The following CADM2 variants were observed in gnomAD, a reference collection of about 807,000 sequenced individuals.
The protein encoded by CADM2 is immunoglobulin superfamily member 4D.
In CADM2, 12 loss-of-function variants were observed where a neutral mutation model predicts 49.8. That is an observed-to-expected ratio of 0.24 (90% CI 0.15 to 0.39). The LOEUF is 0.39. CADM2 is among the 10% of genes least tolerant of loss of function. The pLI is 1.00. For missense variants in CADM2, 378 were observed against 492.3 expected (o/e 0.77, Z 2.20); for synonymous variants, 214 against 175.4 (o/e 1.22, Z -1.74).
intron 1 of CADM2, among the ~76,000 whole-genome samples, chr3:85,541,775 TTA>T (rs10576590): frequency 0.52 from 45,564 of 88,008 alleles, 8,788 homozygotes; most frequent in South Asian, 0.59. Context: ...ATTTTATATT[TTA>T]TATATATATA....
At chr3:85,313,692 G>T (rs989995116) in intron 1 of CADM2, among the ~76,000 whole-genome samples, 3 of 152,130 alleles carry the variant, frequency 2.0e-5, no homozygotes, top group Non-Finnish European at 4.4e-5. Context: ...TATTTCCATG[G>T]CTGAACTCAT....
intron 1 of CADM2, among the ~76,000 whole-genome samples, chr3:85,310,605 G>A (rs2044318785): frequency 6.6e-6 from 1 of 152,140 alleles, no homozygotes; most frequent in Admixed American, 6.5e-5. Context: ...ATAAAAGCTT[G>A]CAAAACTTGG....
chr3:85,266,556 T>A (rs1295003785), intron 1 of CADM2, among the ~76,000 whole-genome samples: 4 of 64,188 alleles, frequency 6.2e-5, no homozygotes, highest in Non-Finnish European at 1.1e-4. Context: ...AAATGATTTA[T>A]CTCAATGATA....
chr3:85,416,684 A>T (rs1285853668), intron 1 of CADM2, among the ~76,000 whole-genome samples: 1 of 152,146 alleles, frequency 6.6e-6, no homozygotes, highest in Non-Finnish European at 1.5e-5. Flanking sequence ...ATACGAAAAA[A>T]ATTTCACAAA....
At chr3:85,044,460 T>A (rs1423412050) in intron 1 of CADM2, among the ~76,000 whole-genome samples, 1 of 152,196 alleles carries the variant, frequency 6.6e-6, no homozygotes, top group Non-Finnish European at 1.5e-5. Context: ...GTTGGAAGGA[T>A]CTGTTCTCTC....
chr3:85,333,048 A>G (rs1199647139), intron 1 of CADM2, among the ~76,000 whole-genome samples: 2 of 151,822 alleles, frequency 1.3e-5, no homozygotes, highest in African/African-American at 4.8e-5. Context: ...GGCTTTTAGC[A>G]CTTTTCATTG....
At chr3:85,703,585 G>A (rs1388493164) in intron 1 of CADM2, among the ~76,000 whole-genome samples, 1 of 152,018 alleles carries the variant, frequency 6.6e-6, no homozygotes, top group Non-Finnish European at 1.5e-5. Flanking sequence ...AAAAGTCCAA[G>A]GTTCCAAATA....
At chr3:85,595,930 G>A (rs1376983766) in intron 1 of CADM2, among the ~76,000 whole-genome samples, 1 of 151,646 alleles carries the variant, frequency 6.6e-6, no homozygotes, top group South Asian at 2.1e-4. Flanking sequence ...CTAATTTTAT[G>A]TTGTGCATTT....
chr3:85,963,757 T>C (rs573214595), intron 8 of CADM2, among the ~76,000 whole-genome samples: 7 of 152,070 alleles, frequency 4.6e-5, no homozygotes, highest in Admixed American at 3.9e-4. Flanking sequence ...ATTTCCTAAA[T>C]AGCCAAGCTA....
At chr3:85,035,291 G>A (rs2035166224) in intron 1 of CADM2, among the ~76,000 whole-genome samples, 1 of 152,070 alleles carries the variant, frequency 6.6e-6, no homozygotes, top group African/African-American at 2.4e-5. Context: ...CTACAGCGTT[G>A]TTTGAGCTCT....
chr3:85,215,362 A>T (rs1259360048), intron 1 of CADM2, among the ~76,000 whole-genome samples: 197 of 150,078 alleles, frequency 1.3e-3, no homozygotes, highest in African/African-American at 4.6e-3. Flanking sequence ...CTTTTTTAAA[A>T]AAAAAAAAAA....
chr3:86,030,171 G>A (rs1046838167), intron 8 of CADM2, among the ~76,000 whole-genome samples: 6 of 151,890 alleles, frequency 4.0e-5, no homozygotes, highest in Non-Finnish European at 8.8e-5. Context: ...ACTAATGGGA[G>A]ATAAAAGCAA....
intron 1 of CADM2, among the ~76,000 whole-genome samples, chr3:85,546,203 A>G (rs111825426): frequency 3.2e-4 from 48 of 152,314 alleles, no homozygotes; most frequent in Middle Eastern, 3.4e-3. Context: ...TTCTAGCACC[A>G]TGCTGGGCAA....
chr3:85,514,068 A>C (rs373768594), intron 1 of CADM2, among the ~76,000 whole-genome samples: 1 of 152,198 alleles, frequency 6.6e-6, no homozygotes, highest in East Asian at 1.9e-4. Context: ...TACTTCTTAC[A>C]ATGACATAAT....
intron 1 of CADM2, among the ~76,000 whole-genome samples, chr3:85,695,529 A>T (rs936741641): frequency 6.6e-6 from 1 of 151,878 alleles, no homozygotes; most frequent in Admixed American, 6.6e-5. Context: ...ATATTATTTT[A>T]TTCATTTTAA....
Position 85,439,155 on chromosome 3 carries a change from C to CTTTTT in CADM2, c.62-287354_62-287350dup, listed in dbSNP as rs373522509. ...GTGACTTAATAATGACTTATAATGACTTTTTTTTTTTTTTTTTAACGGAGT... is the reference window on the plus strand; with the variant it reads ...GTGACTTAATAATGACTTATAATGACTTTTTTTTTTTTTTTTTTTTTTAACGGAGT... On this transcript the variant is annotated intron_variant, in intron 1 of 9. Transcript: ENST00000383699. Among the ~76,000 whole-genome samples the CTTTTT allele has an allele frequency of 5.0e-5, 7 of 141,052 alleles. 1 individual carries two copies. The highest frequency in any genetic ancestry group is 1.3e-4 in the African/African-American group (5 of 37,626). 92.5% of individuals were successfully genotyped at this position (141,052 alleles called of 152,430 possible).
At chr3:85,670,561 A>T (rs1196160673) in intron 1 of CADM2, among the ~76,000 whole-genome samples, 1 of 152,152 alleles carries the variant, frequency 6.6e-6, no homozygotes, top group African/African-American at 2.4e-5. Flanking sequence ...CTCAGCTTAG[A>T]TCTAAGCAAA....
chr3:85,306,521 T>G (rs1251086984), intron 1 of CADM2, among the ~76,000 whole-genome samples: 1 of 151,742 alleles, frequency 6.6e-6, no homozygotes, highest in Non-Finnish European at 1.5e-5. Flanking sequence ...TTCTAAAGCC[T>G]TTTGACATGG....
At chr3:85,625,044 C>T (rs2064084277) in intron 1 of CADM2, among the ~76,000 whole-genome samples, 2 of 152,096 alleles carry the variant, frequency 1.3e-5, no homozygotes. Context: ...AGACAAATTA[C>T]TCTCCTCACA....
Sources: gnomAD v4.1 joint callset for allele counts (sites outside exome capture counted in the v4.1 genomes callset) on GRCh38, gnomAD v4.1.1 for gene constraint, MANE v1.5 for transcripts, NCBI Gene and HGNC (gene_info 2026-07-23, HGNC 2026-07-21) for gene names.